IQGAP3: variants seen among roughly 807,000 people sequenced by gnomAD.
IQGAP3 encodes the protein ras GTPase-activating-like protein IQGAP3.
A neutral mutation model predicts 208.2 loss-of-function variants in IQGAP3; 165 were observed. The ratio of observed to expected loss-of-function variants is 0.79; its 90% CI spans 0.70 to 0.90. The LOEUF (loss-of-function observed/expected upper bound fraction) is 0.90, where lower values mean the gene tolerates loss of function less well. Ranked by LOEUF, IQGAP3 falls within the 40% of genes least tolerant of loss-of-function variation. The pLI is 0.00. For missense variants in IQGAP3, 1,811 were observed against 2,043.1 expected, an observed-to-expected ratio of 0.89 and a Z score of 2.19; for synonymous variants, 703 against 803.6, an observed-to-expected ratio of 0.87 and a Z score of 2.12.
In IQGAP3 at chr1:156,548,686, G is replaced by A. The variant is rs147754283; in HGVS notation, c.1888C>T (p.Arg630Trp). 237 of 1,610,496 alleles carry A rather than the reference G, an allele frequency of 1.5e-4. 1 individual carries two copies. In the East Asian group the frequency reaches 3.3e-3, roughly 23 times the overall value. The change falls in exon 17 of 38, where the codon CGG (arginine) becomes TGG (tryptophan). Residue 630 changes from arginine to tryptophan, a missense_variant. Transcript: ENST00000361170. Reference sequence around the variant, plus strand: ...GCCACTGCGGGGTTCCTCAACACCCGCTCAGTCTGGGCTGCCTTGCCCTCC... The same window carrying A: ...GCCACTGCGGGGTTCCTCAACACCCACTCAGTCTGGGCTGCCTTGCCCTCC... ...IKEGKAAQTERVLRNPAVALR... is the reference protein window; with the variant it reads ...IKEGKAAQTEWVLRNPAVALR...
At position 156,567,475 on chromosome 1, in the gene IQGAP3, C is replaced by T. The variant is rs529829679; in HGVS notation, c.126-929G>A. ...TGCCACCTGTATTTCCTTCAGTGGG[C>T]AGCTGCCAGGATCAAATGAGCTAAT... On this transcript the variant is annotated intron_variant, in intron 2 of 37. Coordinates refer to ENST00000361170, the MANE Select transcript of IQGAP3 (RefSeq NM_178229.5). 3.9e-5 allele frequency among the ~76,000 whole-genome samples: 6 copies of T among 152,274 alleles called. No homozygotes were observed. In the East Asian group the frequency reaches 9.6e-4, roughly 24 times the overall value.
At chr1:156,560,286 C>A (rs1676084508) in intron 11 of IQGAP3, among the ~76,000 whole-genome samples, 1 of 152,078 alleles carries the variant, frequency 6.6e-6, no homozygotes, top group Non-Finnish European at 1.5e-5. Context: ...CCAAGGTAGG[C>A]AGATCACTTG....
At position 156,538,922 on chromosome 1, in the gene IQGAP3, C is replaced by T; in HGVS notation, c.3168G>A (p.Leu1056=). The change falls in exon 26 of 38, where the codon CTG becomes CTA. Residue 1056 remains leucine (L), a synonymous_variant. Coordinates refer to ENST00000361170, the MANE Select transcript of IQGAP3 (RefSeq NM_178229.5). ...CTAGCACATCCTGGATAACCTTGCC[C>T]AGAATCTCCTGCAGGGCACTCTGTC... ...GRGQSALQEI[L]GKVIQDVLED... is the part of the protein sequence containing the mutation. 1 of 1,614,186 alleles carries T rather than the reference C, an allele frequency of 6.2e-7. No homozygotes were observed. The highest frequency in any genetic ancestry group is 8.5e-7 in the Non-Finnish European group (1 of 1,180,032).
chr1:156,551,031 A>G (rs766477079), intron 15 of IQGAP3, among the ~76,000 whole-genome samples: 6 of 152,210 alleles, frequency 3.9e-5, no homozygotes, highest in Admixed American at 6.5e-5. Flanking sequence ...GCAGTATTCT[A>G]AAGCACTTTC....
At chr1:156,535,994 G>T (rs1438685279) in intron 27 of IQGAP3, among the ~76,000 whole-genome samples, 1 of 152,118 alleles carries the variant, frequency 6.6e-6, no homozygotes, top group Non-Finnish European at 1.5e-5. Context: ...TTCCTATTAT[G>T]GATGTGCCAC....
chr1:156,544,592 G>A (rs997077307), intron 19 of IQGAP3, 120 bp from the exon 20 acceptor site: 1 of 804,880 alleles, frequency 1.2e-6, no homozygotes, highest in African/African-American at 1.7e-5. Flanking sequence ...AAATAGAGGG[G>A]GAAGGGGAAA....
In IQGAP3 at chr1:156,532,998, G is replaced by T. The variant is rs1674485383; in HGVS notation, c.4085C>A (p.Thr1362Asn). Residue 1362 changes from threonine to asparagine, a missense_variant, in exon 32 of 38, where the codon ACC (threonine) becomes AAC (asparagine). By Grantham distance (65) the Thr-to-Asn change is moderately conservative. Transcript: ENST00000361170. ...CACCCACCTCAGAAGCAGGCTACGG[G>T]TGTTGGAGTCATCAGCATCTGCCTC... ...GLEADADDSN[T>N]RSLLLSTKQL... 1 of 1,613,988 alleles carries T rather than the reference G, an allele frequency of 6.2e-7. No homozygotes were observed. Among genetic ancestry groups the T allele is most frequent in the African/African-American group, 1.3e-5 (1 of 74,920 alleles).
At chr1:156,566,242 C>T in intron 3 of IQGAP3, 138 bp from the exon 4 acceptor site, 1 of 1,202,144 alleles carries the variant, frequency 8.3e-7, no homozygotes, top group Non-Finnish European at 1.2e-6. Context: ...ATTTTCCATC[C>T]CTACCAGGAC....
At chr1:156,550,189 G>C in intron 16 of IQGAP3, 72 bp downstream of exon 16, 1 of 1,081,696 alleles carries the variant, frequency 9.2e-7, no homozygotes, top group South Asian at 1.3e-5. Context: ...GAGGCTGCCT[G>C]ATTATCTGGG....
chr1:156,563,846 T>C, intron 5 of IQGAP3, 22 bp from the exon 6 acceptor site: 1 of 1,601,986 alleles, frequency 6.2e-7, no homozygotes, highest in Non-Finnish European at 8.5e-7. Flanking sequence ...CGGAAGGCAT[T>C]GGAAGGCACT....
intron 11 of IQGAP3, among the ~76,000 whole-genome samples, chr1:156,558,307 G>A (rs1483677534): frequency 1.9e-5 from 1 of 53,274 alleles, no homozygotes; most frequent in African/African-American, 6.2e-5. Flanking sequence ...GCCTCTGCCC[G>A]GCCGCCCCTA....
chr1:156,528,430 C>T (rs759556730), intron 36 of IQGAP3, 79 bp downstream of exon 36: 2 of 1,017,070 alleles, frequency 2.0e-6, no homozygotes, highest in South Asian at 2.7e-5. Context: ...TTCTCTTCCA[C>T]CCGGTGCCCA....
chr1:156,544,433 C>G lies in IQGAP3; in HGVS notation c.2344G>C (p.Glu782Gln), dbSNP rs2102392078. 1 of 1,614,144 alleles carries G rather than the reference C, an allele frequency of 6.2e-7. No homozygotes were observed. The highest frequency in any genetic ancestry group is 8.5e-7 in the Non-Finnish European group (1 of 1,179,988). The change falls in exon 20 of 38, where the codon GAG becomes CAG. Residue 782 changes from glutamate (E) to glutamine (Q), a missense_variant. Coordinates refer to ENST00000361170, the MANE Select transcript of IQGAP3 (RefSeq NM_178229.5). ...RGYRQRKIYL[E>Q]WLQYFKANLD... ...TTTGCTTTAAAATACTGCAACCACT[C>G]CAGGTAAATCTTCCGCTGCCTATAA...
At chr1:156,527,931 C>A in intron 37 of IQGAP3, 21 bp downstream of exon 37, 1 of 1,548,118 alleles carries the variant, frequency 6.5e-7, no homozygotes, top group Non-Finnish European at 8.9e-7. Context: ...GTCCTGCAGG[C>A]TCATGGGACT....
chr1:156,550,724 C>T (rs1384269138), intron 15 of IQGAP3, among the ~76,000 whole-genome samples: 1 of 152,214 alleles, frequency 6.6e-6, no homozygotes, highest in African/African-American at 2.4e-5. Context: ...GCTCCAACTA[C>T]CTGCCCCCAC....
chr1:156,571,943 G>C (rs1005826769), intron 1 of IQGAP3, among the ~76,000 whole-genome samples: 9 of 152,220 alleles, frequency 5.9e-5, no homozygotes, highest in Non-Finnish European at 1.2e-4. Context: ...TGGGGTGAGG[G>C]AAGAAGCACA....
In IQGAP3 at chr1:156,528,853, G is replaced by A. The variant is rs1377771580; in HGVS notation, c.4571+63C>T. 5 of 1,576,384 alleles carry A rather than the reference G, an allele frequency of 3.2e-6. No homozygotes were observed. The African/African-American group carries it at 5.4e-5, about 17-fold the overall frequency. On this transcript the variant is annotated intron_variant, in intron 35 of 37. Transcript: ENST00000361170. The stretch of plus-strand genomic sequence containing the variant: ...CAAAGCTGGGAGATAGCAGGGCAAA[G>A]GTGACATGGGCAGGGGTGAGAAGTC...
chr1:156,564,771 G>A, intron 4 of IQGAP3, 80 bp from the exon 5 acceptor site: 1 of 978,238 alleles, frequency 1.0e-6, no homozygotes, highest in Admixed American at 1.7e-5. Context: ...CCGAGGAATG[G>A]GTCTTCCTCT....
chr1:156,554,418 C>G (rs1398816710), intron 12 of IQGAP3, 26 bp from the exon 13 acceptor site: 3 of 1,576,680 alleles, frequency 1.9e-6, no homozygotes, highest in African/African-American at 2.7e-5. Flanking sequence ...GGGCCAATTC[C>G]CAAGTGGGCA....
Sources: gnomAD v4.1 joint callset for allele counts (sites outside exome capture counted in the v4.1 genomes callset) on GRCh38, gnomAD v4.1.1 for gene constraint, MANE v1.5 for transcripts, NCBI Gene and HGNC (gene_info 2026-07-23, HGNC 2026-07-21) for gene names.